Variants in FAM81A observed in about 807,000 individuals in gnomAD.
The protein encoded by FAM81A is family with sequence similarity 81 member A, also known as protein FAM81A.
A neutral mutation model predicts 46.7 loss-of-function variants in FAM81A; 19 were observed. The observed-to-expected ratio is 0.41, with a 90% CI of 0.28 to 0.60. The LOEUF is 0.60. FAM81A is among the 20% of genes least tolerant of loss of function. The pLI is 0.34. For missense variants in FAM81A, 377 were observed against 453.5 expected (o/e 0.83, Z 1.53); for synonymous variants, 183 against 152.9 (o/e 1.20, Z -1.45).
intron 3 of FAM81A, among the ~76,000 whole-genome samples, chr15:59,476,683 G>C (rs554097750): frequency 6.6e-6 from 1 of 152,190 alleles, no homozygotes; most frequent in African/African-American, 2.4e-5. Context: ...CCAGCTACTT[G>C]GGAGGCTGAG....
intron 2 of FAM81A, among the ~76,000 whole-genome samples, chr15:59,412,952 C>T (rs1410018453): frequency 1.3e-5 from 2 of 152,122 alleles, no homozygotes; most frequent in Non-Finnish European, 1.5e-5. Context: ...AAAATTAAAA[C>T]GTAAGAAAAA....
upstream of FAM81A, among the ~76,000 whole-genome samples, chr15:59,435,194 G>A (rs1271504685): frequency 6.6e-6 from 1 of 152,146 alleles, no homozygotes; most frequent in Admixed American, 6.5e-5. Flanking sequence ...GGCTGAGGCG[G>A]GAGAATTGCT....
chr15:59,421,713 A>ATCTG (rs563133863), intron 2 of FAM81A, among the ~76,000 whole-genome samples: 2,896 of 100,094 alleles, frequency 0.029, 35 homozygotes, highest in East Asian at 0.058. Context: ...TAAACTATCT[A>ATCTG]TCTGTCTGTC....
rs187772156 is a variant in FAM81A at position 59,522,400 on chromosome 15, A to G, written c.*1022A>G. 1.3e-5 allele frequency: 2 copies of G among 152,802 alleles called. No individual in the cohort carries two copies. Among genetic ancestry groups the G allele is most frequent in the East Asian group, 3.8e-4 (2 of 5,196 alleles). The allele number at this position is 152,802 out of a possible 1,614,324, so 9.5% of individuals were successfully genotyped here. A position where few individuals can be genotyped will look rare whatever the true frequency, so the allele number is the denominator to read the frequency against. ...AACTGGAATCCTCTGTATTTTTTAA[A>G]TGTTCTAAAAATTTTATCGCTGTTA... On this transcript the variant is annotated 3_prime_UTR_variant, in exon 9 of 9. Transcript: ENST00000288228.
chr15:59,402,108 G>C, intron 1 of FAM81A: 1 of 414,360 alleles, frequency 2.4e-6, no homozygotes. Flanking sequence ...GGCCTGACAG[G>C]AGAGTGATTT....
At chr15:59,409,742 G>T in intron 2 of FAM81A, among the ~76,000 whole-genome samples, 1 of 152,116 alleles carries the variant, frequency 6.6e-6, no homozygotes, top group East Asian at 1.9e-4. Flanking sequence ...TGCACTATAT[G>T]CTATACTCTG....
chr15:59,508,790 C>T, intron 5 of FAM81A, 73 bp from the exon 6 acceptor site: 1 of 1,060,262 alleles, frequency 9.4e-7, no homozygotes, highest in Non-Finnish European at 1.4e-6. Context: ...TACAATATGG[C>T]TTACTAAATG....
intron 3 of FAM81A, among the ~76,000 whole-genome samples, chr15:59,473,446 A>T (rs1241955838): frequency 7.2e-5 from 11 of 152,224 alleles, no homozygotes; most frequent in African/African-American, 2.7e-4. Context: ...TACTATCTGC[A>T]GTGTCAGGCA....
At chr15:59,518,943 CTGTGTGTGTG>C (rs34494392) in intron 8 of FAM81A, among the ~76,000 whole-genome samples, 4,320 of 143,132 alleles carry the variant, frequency 0.03, 87 homozygotes, top group Non-Finnish European at 0.042. Flanking sequence ...GTGTGTGTGT[CTGTGTGTGTG>C]TGTGTGTGTG....
At chr15:59,486,651 A>G (rs1255762199) in intron 3 of FAM81A, among the ~76,000 whole-genome samples, 1 of 152,184 alleles carries the variant, frequency 6.6e-6, no homozygotes, top group Non-Finnish European at 1.5e-5. Context: ...GGGATCCTAA[A>G]GGCAACAAGA....
chr15:59,446,444 C>T (rs1156881859), intron 1 of FAM81A: 1 of 152,212 alleles, frequency 6.6e-6, no homozygotes, highest in African/African-American at 2.4e-5. Flanking sequence ...TGGCCGCCTC[C>T]CTTCAGTTAT....
intron 3 of FAM81A, among the ~76,000 whole-genome samples, chr15:59,482,487 T>A (rs1349229562): frequency 6.6e-6 from 1 of 152,220 alleles, no homozygotes; most frequent in East Asian, 1.9e-4. Context: ...CAGGCTGGTC[T>A]TGAACTCCTG....
At chr15:59,425,105 A>C (rs59206538) in intron 2 of FAM81A, among the ~76,000 whole-genome samples, 18,008 of 152,016 alleles carry the variant, frequency 0.12, 1,452 homozygotes, top group South Asian at 0.23. Context: ...GGCTGGTCTC[A>C]AACTCCTGGT....
At chr15:59,511,272 T>A (rs1596544452) in intron 6 of FAM81A, among the ~76,000 whole-genome samples, 1 of 152,214 alleles carries the variant, frequency 6.6e-6, no homozygotes, top group Admixed American at 6.5e-5. Context: ...AATGACAACA[T>A]CTAAATGAGG....
At chr15:59,402,886 T>A (rs980581363) in intron 2 of FAM81A, among the ~76,000 whole-genome samples, 1 of 152,160 alleles carries the variant, frequency 6.6e-6, no homozygotes, top group East Asian at 1.9e-4. Context: ...TTAATAGCAT[T>A]TCTAAATCAT....
chr15:59,457,109 C>T (rs1159545382), intron 1 of FAM81A, among the ~76,000 whole-genome samples: 1 of 152,130 alleles, frequency 6.6e-6, no homozygotes, highest in African/African-American at 2.4e-5. Context: ...TTACGGTAGT[C>T]CCCCCTTATC....
At chr15:59,516,332 G>A (rs766361298) in intron 7 of FAM81A, among the ~76,000 whole-genome samples, 1 of 152,062 alleles carries the variant, frequency 6.6e-6, no homozygotes, top group Non-Finnish European at 1.5e-5. Flanking sequence ...GTTTCACCAT[G>A]TTGGCCAGGC....
At chr15:59,467,183 A>G (rs879464785) in intron 3 of FAM81A, among the ~76,000 whole-genome samples, 41 of 152,206 alleles carry the variant, frequency 2.7e-4, no homozygotes, top group Admixed American at 1.2e-3. Context: ...TTGTCTTGGC[A>G]ATTCAGGCTC....
At chr15:59,504,861 T>G (rs1424976793) in intron 4 of FAM81A, among the ~76,000 whole-genome samples, 1 of 152,238 alleles carries the variant, frequency 6.6e-6, no homozygotes, top group African/African-American at 2.4e-5. Context: ...GGTAGGTTAC[T>G]TCTCTTTAGT....
Sources: gnomAD v4.1 joint callset for allele counts (sites outside exome capture counted in the v4.1 genomes callset) on GRCh38, gnomAD v4.1.1 for gene constraint, MANE v1.5 for transcripts, NCBI Gene and HGNC (gene_info 2026-07-23, HGNC 2026-07-21) for gene names.